CALN1: variants seen among roughly 807,000 people sequenced by gnomAD.
The protein encoded by CALN1 is calneuron 1.
A neutral mutation model predicts 30.6 loss-of-function variants in CALN1; 17 were observed. That is an observed-to-expected ratio of 0.56 (90% CI 0.38 to 0.83). The LOEUF is 0.83. Ranked by LOEUF, CALN1 falls within the 40% of genes least tolerant of loss-of-function variation. CALN1 has a pLI of 0.00. For synonymous variants in CALN1, 156 were observed against 131.4 expected (o/e 1.19, Z -1.28); for missense variants, 291 against 354.9 (o/e 0.82, Z 1.45).
chr7:72,145,891 T>TG (rs1210719989), intron 3 of CALN1, among the ~76,000 whole-genome samples: 2 of 152,244 alleles, frequency 1.3e-5, no homozygotes, highest in Non-Finnish European at 2.9e-5. Context: ...TCTCAATAGA[T>TG]GCAGAAAAGG....
intron 2 of CALN1, among the ~76,000 whole-genome samples, chr7:72,300,660 C>T (rs1349251349): frequency 6.6e-6 from 1 of 152,110 alleles, no homozygotes; most frequent in African/African-American, 2.4e-5. Flanking sequence ...AGTGCATAAA[C>T]ACAGATGTAT....
intron 4 of CALN1, among the ~76,000 whole-genome samples, chr7:72,068,630 G>A (rs1185417997): frequency 6.6e-6 from 1 of 152,170 alleles, no homozygotes; most frequent in Non-Finnish European, 1.5e-5. Flanking sequence ...TAGGATAACA[G>A]ACGCCCGCCA....
intron 5 of CALN1, among the ~76,000 whole-genome samples, chr7:71,938,989 TTGAATGAA>T (rs113675664): frequency 1.3e-5 from 2 of 151,956 alleles, no homozygotes; most frequent in East Asian, 1.9e-4. Flanking sequence ...GATTGAATGA[TTGAATGAA>T]TGAATGAATG....
intron 3 of CALN1, among the ~76,000 whole-genome samples, chr7:72,253,630 G>A (rs557091108): frequency 6.6e-6 from 1 of 152,332 alleles, no homozygotes; most frequent in African/African-American, 2.4e-5. Flanking sequence ...CATAAGAACA[G>A]CACGGGGGAA....
At chr7:72,463,638 C>A in the CALN1 span, among the ~76,000 whole-genome samples, 2 of 152,158 alleles carry the variant, frequency 1.3e-5, no homozygotes, top group Admixed American at 1.3e-4. Flanking sequence ...CAGCCCACTG[C>A]AACTTCAAAC....
At chr7:71,857,620 GC>G (rs1791033262) in intron 5 of CALN1, among the ~76,000 whole-genome samples, 2 of 152,088 alleles carry the variant, frequency 1.3e-5, no homozygotes, top group South Asian at 4.2e-4. Context: ...TGGTGGAGTT[GC>G]CCCCGCCCAC....
intron 3 of CALN1, among the ~76,000 whole-genome samples, chr7:72,272,430 T>C (rs1797059308): frequency 6.6e-6 from 1 of 151,794 alleles, no homozygotes; most frequent in East Asian, 1.9e-4. Flanking sequence ...GGTGTGGTGG[T>C]GCACGCCTGT....
In CALN1 at chr7:72,344,135, G is replaced by A. The variant is rs533900397; in HGVS notation, c.119+59116C>T. 3.4e-4 allele frequency among the ~76,000 whole-genome samples: 52 copies of A among 152,200 alleles called. 1 individual carries two copies. The South Asian group carries it at 0.011, about 31-fold the overall frequency. On this transcript the variant is annotated intron_variant, in intron 2 of 6. Coordinates refer to ENST00000395275, the MANE Select transcript of CALN1 (RefSeq NM_031468.4). ...TTTCAGAAAGGAAGAGAGAGACAGG[G>A]AGAAAAAGAGAGGTTCCGGGCCTGT...
chr7:72,243,751 T>C (rs1264879156), intron 3 of CALN1, among the ~76,000 whole-genome samples: 3 of 152,146 alleles, frequency 2.0e-5, no homozygotes, highest in Non-Finnish European at 4.4e-5. Flanking sequence ...AAGTGGGCCA[T>C]AGAACTAACT....
At chr7:72,277,309 T>G (rs183565931) in intron 3 of CALN1, among the ~76,000 whole-genome samples, 16 of 152,344 alleles carry the variant, frequency 1.1e-4, no homozygotes, top group Non-Finnish European at 1.9e-4. Flanking sequence ...AGCCTGAATT[T>G]GTGGTCGCCT....
At chr7:72,480,345 T>C in the CALN1 span, among the ~76,000 whole-genome samples, 6 of 152,242 alleles carry the variant, frequency 3.9e-5, no homozygotes, top group East Asian at 1.2e-3. Context: ...CCCTTCATTC[T>C]TGGGATAAAC....
chr7:72,338,470 A>AGAGTGTGTGTGTGTGTGTGTGTGT lies in CALN1; in HGVS notation c.120-59661_120-59660insACACACACACACACACACACACTC, dbSNP rs1031551970. ...GGGCGTTTTTGTCAGCCAGCAGCAC[A>AGAGTGTGTGTGTGTGTGTGTGTGT]GTGTGTGTGTGTGTGTGTGTGTGTG... On this transcript the variant is annotated intron_variant, in intron 2 of 6. Coordinates refer to ENST00000395275, the MANE Select transcript of CALN1 (RefSeq NM_031468.4). Among the ~76,000 whole-genome samples, 92 of 74,802 alleles carry AGAGTGTGTGTGTGTGTGTGTGTGT rather than the reference A, an allele frequency of 1.2e-3. 5 individuals are homozygous for AGAGTGTGTGTGTGTGTGTGTGTGT. Among genetic ancestry groups the AGAGTGTGTGTGTGTGTGTGTGTGT allele is most frequent in the East Asian group, 1.7e-3 (4 of 2,386 alleles). The allele number at this position is 74,802 out of a possible 152,430, so 49.1% of individuals were successfully genotyped here.
intron 5 of CALN1, among the ~76,000 whole-genome samples, chr7:71,885,394 C>G (rs982749081): frequency 6.6e-6 from 1 of 152,162 alleles, no homozygotes; most frequent in Non-Finnish European, 1.5e-5. Context: ...TATCGTGATC[C>G]GCCCACCTCG....
chr7:71,859,925 T>G (rs1791173435), intron 5 of CALN1, among the ~76,000 whole-genome samples: 1 of 152,154 alleles, frequency 6.6e-6, no homozygotes, highest in Admixed American at 6.5e-5. Context: ...ATTGATAACA[T>G]TTACTAAACA....
chr7:71,813,804 G>A (rs1206649973), intron 5 of CALN1, among the ~76,000 whole-genome samples: 2 of 151,794 alleles, frequency 1.3e-5, no homozygotes, highest in African/African-American at 2.4e-5. Flanking sequence ...GGTGGCGGGC[G>A]CCTGTAGTCC....
chr7:72,176,111 T>A lies in CALN1; in HGVS notation c.245-69817A>T, dbSNP rs151317299. Reference sequence around the variant, plus strand: ...TCTTCCACCCTGAACCCTTAAAAACTCTTAATCTGTAAGAGAGAGCACCTG... The same window carrying A: ...TCTTCCACCCTGAACCCTTAAAAACACTTAATCTGTAAGAGAGAGCACCTG... On this transcript the variant is annotated intron_variant, in intron 3 of 6. Transcript: ENST00000395275. 5.9e-5 allele frequency among the ~76,000 whole-genome samples: 9 copies of A among 152,270 alleles called. No individual in the cohort carries two copies. In the East Asian group the frequency reaches 1.5e-3, roughly 26 times the overall value.
intron 5 of CALN1, among the ~76,000 whole-genome samples, chr7:71,984,879 A>ATGGT (rs1798582209): frequency 1.3e-5 from 2 of 152,156 alleles, no homozygotes; most frequent in South Asian, 4.1e-4. Context: ...GTATCCACAC[A>ATGGT]TGGTTGGCTG....
intron 4 of CALN1, among the ~76,000 whole-genome samples, chr7:72,027,726 A>ACACAC (rs1801157723): frequency 7.0e-6 from 1 of 143,222 alleles, no homozygotes; most frequent in Non-Finnish European, 1.5e-5. Flanking sequence ...CAAACAAACA[A>ACACAC]ACACACACAC....
intron 5 of CALN1, among the ~76,000 whole-genome samples, chr7:71,929,109 A>C (rs981346240): frequency 6.6e-6 from 1 of 152,202 alleles, no homozygotes; most frequent in African/African-American, 2.4e-5. Flanking sequence ...ACAGAATTTC[A>C]TTTTTTTAAT....
Sources: gnomAD v4.1 joint callset for allele counts (sites outside exome capture counted in the v4.1 genomes callset) on GRCh38, gnomAD v4.1.1 for gene constraint, MANE v1.5 for transcripts, NCBI Gene and HGNC (gene_info 2026-07-23, HGNC 2026-07-21) for gene names.